LRSAM1: variants seen among roughly 807,000 people sequenced by gnomAD.
LRSAM1 encodes E3 ubiquitin-protein ligase LRSAM1.
Under a neutral mutation model 118.1 loss-of-function variants are expected in LRSAM1, and 96 were observed. The ratio of observed to expected loss-of-function variants is 0.81; its 90% CI spans 0.69 to 0.96. The LOEUF is 0.96. LRSAM1 is among the 40% of genes least tolerant of loss of function. The pLI is 0.00. For missense variants in LRSAM1, 804 were observed against 915.5 expected (o/e 0.88, Z 1.57); for synonymous variants, 322 against 364.2 (o/e 0.88, Z 1.32).
At chr9:127,467,686 GT>G (rs1835008974) in intron 9 of LRSAM1, 53 bp from the exon 10 acceptor site, 1 of 1,499,390 alleles carries the variant, frequency 6.7e-7, no homozygotes, top group African/African-American at 1.4e-5. Flanking sequence ...AAATCGTGTG[GT>G]CTCCGGTTGC....
intron 7 of LRSAM1, among the ~76,000 whole-genome samples, chr9:127,460,851 T>C (rs1280002386): frequency 8.6e-5 from 10 of 116,504 alleles, no homozygotes; most frequent in African/African-American, 3.3e-4. Flanking sequence ...TTCTTTCTTT[T>C]TTTTTTTTTT....
chr9:127,485,600 A>G (rs1835700783), intron 16 of LRSAM1, 136 bp from the exon 17 acceptor site: 1 of 782,906 alleles, frequency 1.3e-6, no homozygotes, highest in African/African-American at 1.7e-5. Context: ...TTTTTTTAAG[A>G]TAACTATCAG....
intron 10 of LRSAM1, among the ~76,000 whole-genome samples, chr9:127,469,185 A>G (rs1835071977): frequency 6.6e-6 from 1 of 152,052 alleles, no homozygotes; most frequent in Non-Finnish European, 1.5e-5. Context: ...TTTACACAAG[A>G]GAATATCCAC....
chr9:127,472,880 A>G (rs1206483962), intron 10 of LRSAM1, among the ~76,000 whole-genome samples: 1 of 152,082 alleles, frequency 6.6e-6, no homozygotes, highest in East Asian at 1.9e-4. Context: ...TGTTCTGAAC[A>G]TTTGAACTGA....
chr9:127,463,038 A>G (rs905205342), intron 9 of LRSAM1, among the ~76,000 whole-genome samples: 1 of 151,794 alleles, frequency 6.6e-6, no homozygotes, highest in South Asian at 2.1e-4. Flanking sequence ...TCTACTAAAA[A>G]TACAAGAAAT....
intron 3 of LRSAM1, 46 bp downstream of exon 3, chr9:127,454,645 G>T (rs371146474): frequency 6.3e-7 from 1 of 1,588,280 alleles, no homozygotes; most frequent in East Asian, 2.2e-5. Flanking sequence ...TCTCCTCCTC[G>T]GTCCCCATGG....
intron 9 of LRSAM1, among the ~76,000 whole-genome samples, chr9:127,466,477 TATATATATATATATATATATATATATA>T (rs1834928176): frequency 4.1e-5 from 1 of 24,334 alleles, no homozygotes; most frequent in African/African-American, 2.1e-4. Context: ...GGAAGAATCA[TATATATATATATATATATATATATATA>T]TTTTTTTTTT....
At position 127,502,926 on chromosome 9, in the gene LRSAM1, C is replaced by T. The variant is rs749688098; in HGVS notation, c.*27C>T. On this transcript the variant is annotated 3_prime_UTR_variant, in exon 26 of 26. Coordinates refer to ENST00000300417, the MANE Select transcript of LRSAM1 (RefSeq NM_001005373.4). ...TGCTGCCCGCCCACCTGGGCCTGGTCCTAGCCCTGCCTCGGCCACTGTGAG... is the reference window on the plus strand; with the variant it reads ...TGCTGCCCGCCCACCTGGGCCTGGTTCTAGCCCTGCCTCGGCCACTGTGAG... 1 of 1,571,532 alleles carries T rather than the reference C, an allele frequency of 6.4e-7. No homozygotes were observed. Among genetic ancestry groups the T allele is most frequent in the Non-Finnish European group, 8.6e-7 (1 of 1,159,780 alleles).
At chr9:127,475,277 G>A (rs1835312206) in intron 11 of LRSAM1, among the ~76,000 whole-genome samples, 1 of 152,028 alleles carries the variant, frequency 6.6e-6, no homozygotes, top group Non-Finnish European at 1.5e-5. Context: ...GATCACTTGA[G>A]GCCAGGAGTT....
intron 4 of LRSAM1, 56 bp downstream of exon 4, chr9:127,455,110 T>G: frequency 1.3e-6 from 2 of 1,565,684 alleles, no homozygotes; most frequent in Non-Finnish European, 1.8e-6. Context: ...TTCTTGGATC[T>G]TGTGTCCCTA....
intron 17 of LRSAM1, among the ~76,000 whole-genome samples, chr9:127,486,162 T>C (rs1039752284): frequency 6.6e-6 from 1 of 152,230 alleles, no homozygotes. Flanking sequence ...CAATCGCAAC[T>C]CAGGTTCTGA....
At chr9:127,473,968 G>T (rs1835267771) in intron 11 of LRSAM1, 37 bp downstream of exon 11, 1 of 1,613,552 alleles carries the variant, frequency 6.2e-7, no homozygotes, top group African/African-American at 1.3e-5. Context: ...ATACATGTGT[G>T]TGTGTGCGTG....
In LRSAM1 at chr9:127,492,902, G is replaced by GA; in HGVS notation, c.1599+5_1599+6insA. ...GAAGAGCTCCGGGAAATCCTGGTATGTGTTTGGCTTCTGTGCTCAGCATCA... is the reference window on the plus strand; with the variant it reads ...GAAGAGCTCCGGGAAATCCTGGTATGATGTTTGGCTTCTGTGCTCAGCATCA... On this transcript the variant is annotated splice_donor_region_variant and intron_variant, in intron 21 of 25. Coordinates refer to ENST00000300417, the MANE Select transcript of LRSAM1 (RefSeq NM_001005373.4). 1 of 1,613,564 alleles carries GA rather than the reference G, an allele frequency of 6.2e-7. No homozygotes were observed. The highest frequency in any genetic ancestry group is 8.5e-7 in the Non-Finnish European group (1 of 1,179,618).
Position 127,451,597 on chromosome 9 carries a change from G to T in LRSAM1, c.-261G>T. ...GAGATTCCGAAAGGGGGTTCGGGTAGTTCGCTCCGGAGAAGTCTGAGAAGG... is the reference window on the plus strand; with the variant it reads ...GAGATTCCGAAAGGGGGTTCGGGTATTTCGCTCCGGAGAAGTCTGAGAAGG... On this transcript the variant is annotated 5_prime_UTR_variant, in exon 1 of 26. Transcript: ENST00000300417. The T allele has an allele frequency of 1.9e-6, 1 of 533,846 alleles. No homozygotes were observed. Among genetic ancestry groups the T allele is most frequent in the Non-Finnish European group, 3.4e-6 (1 of 294,916 alleles). 33.1% of individuals were successfully genotyped at this position (533,846 alleles called of 1,614,324 possible).
rs185918767 is a variant in LRSAM1 at position 127,477,697 on chromosome 9, C to T, written c.751-1237C>T. On this transcript the variant is annotated intron_variant, in intron 11 of 25. Transcript: ENST00000300417. ...CCCAGGAGGTCGCGGCTGCAGTGAGCTGAGATTGTGCCACTGCACTCCAGC... is the reference window on the plus strand; with the variant it reads ...CCCAGGAGGTCGCGGCTGCAGTGAGTTGAGATTGTGCCACTGCACTCCAGC... Among the ~76,000 whole-genome samples the T allele has an allele frequency of 7.3e-3, 1,105 of 151,572 alleles. 13 individuals are homozygous for T. The highest frequency in any genetic ancestry group is 0.025 in the African/African-American group (1,026 of 41,280).
At chr9:127,463,078 T>C (rs964432356) in intron 9 of LRSAM1, among the ~76,000 whole-genome samples, 1 of 150,928 alleles carries the variant, frequency 6.6e-6, no homozygotes, top group African/African-American at 2.4e-5. Context: ...GCACCTGTAA[T>C]CCCAGCTACT....
chr9:127,496,110 T>A lies in LRSAM1; in HGVS notation c.1830+15T>A, dbSNP rs1395060634. On this transcript the variant is annotated intron_variant, in intron 23 of 25. Transcript: ENST00000300417. ...ACCTGGCCAAGGTGGGCAGCAGCCG[T>A]CTGCATGGAGGGGAGGGGCACGCAA... The A allele has an allele frequency of 2.5e-6, 4 of 1,606,482 alleles. No individual in the cohort carries two copies. The highest frequency in any genetic ancestry group is 3.4e-6 in the Non-Finnish European group (4 of 1,179,966).
Position 127,496,097 on chromosome 9 carries a change from T to C in LRSAM1, c.1830+2T>C. The C allele has an allele frequency of 6.2e-7, 1 of 1,608,650 alleles. No individual in the cohort carries two copies. The highest frequency in any genetic ancestry group is 8.5e-7 in the Non-Finnish European group (1 of 1,179,968). ...ATGAGCCCAGGGGACCTGGCCAAGG[T>C]GGGCAGCAGCCGTCTGCATGGAGGG... is the stretch of plus-strand genomic sequence containing the variant. On this transcript the variant is annotated splice_donor_variant, in intron 23 of 25. Coordinates refer to ENST00000300417, the MANE Select transcript of LRSAM1 (RefSeq NM_001005373.4). LOFTEE classifies it high-confidence loss of function.
At chr9:127,472,602 C>CT (rs1173239898) in intron 10 of LRSAM1, among the ~76,000 whole-genome samples, 1 of 152,000 alleles carries the variant, frequency 6.6e-6, no homozygotes, top group Non-Finnish European at 1.5e-5. Context: ...GATCATGCCA[C>CT]TGCACTCCAG....
Sources: gnomAD v4.1 joint callset for allele counts (sites outside exome capture counted in the v4.1 genomes callset) on GRCh38, gnomAD v4.1.1 for gene constraint, MANE v1.5 for transcripts, NCBI Gene and HGNC (gene_info 2026-07-23, HGNC 2026-07-21) for gene names.